The following CNTNAP2 variants were observed in gnomAD, a reference collection of about 807,000 sequenced individuals.
The protein encoded by CNTNAP2 is contactin associated protein 2, also known as contactin-associated protein-like 2.
A neutral mutation model predicts 155.2 loss-of-function variants in CNTNAP2; 98 were observed. The ratio of observed to expected loss-of-function variants is 0.63; its 90% CI spans 0.54 to 0.75. The LOEUF (loss-of-function observed/expected upper bound fraction) is 0.75, where lower values mean the gene tolerates loss of function less well. Among genes scored for constraint, CNTNAP2 ranks in the 30% least tolerant of loss-of-function variants. The pLI, the probability that CNTNAP2 is intolerant of heterozygous loss-of-function variation, is 0.00. For synonymous variants in CNTNAP2, 651 were observed against 631.2 expected, an observed-to-expected ratio of 1.03 and a Z score of -0.47; for missense variants, 1,727 against 1,688.1, an observed-to-expected ratio of 1.02 and a Z score of -0.40.
At chr7:147,092,778 T>C (rs971570856) in intron 4 of CNTNAP2, among the ~76,000 whole-genome samples, 1 of 152,166 alleles carries the variant, frequency 6.6e-6, no homozygotes, top group African/African-American at 2.4e-5. Flanking sequence ...AAACTAAACT[T>C]ATTGTTGATA....
intron 1 of CNTNAP2, among the ~76,000 whole-genome samples, chr7:146,679,258 A>G (rs532887990): frequency 6.6e-6 from 1 of 151,372 alleles, no homozygotes; most frequent in Non-Finnish European, 1.5e-5. Context: ...GAACAGAGGC[A>G]GTGTTTGGTT....
intron 8 of CNTNAP2, among the ~76,000 whole-genome samples, chr7:147,188,555 A>T (rs1466885645): frequency 1.3e-5 from 2 of 152,212 alleles, no homozygotes; most frequent in African/African-American, 2.4e-5. Flanking sequence ...TAAATGCAAA[A>T]TACAGGATGA....
intron 3 of CNTNAP2, among the ~76,000 whole-genome samples, chr7:146,969,231 C>G (rs899897229): frequency 5.1e-4 from 78 of 152,112 alleles, no homozygotes; most frequent in Admixed American, 4.6e-4. Flanking sequence ...TTACTTCCAA[C>G]TATGTGGTCA....
intron 9 of CNTNAP2, among the ~76,000 whole-genome samples, chr7:147,366,477 G>A (rs896852228): frequency 6.6e-6 from 1 of 151,140 alleles, no homozygotes; most frequent in Non-Finnish European, 1.5e-5. Flanking sequence ...CTTTATTTCA[G>A]TAGAGTATAA....
chr7:147,630,031 A>AG (rs1432896190), intron 12 of CNTNAP2, among the ~76,000 whole-genome samples: 1 of 152,114 alleles, frequency 6.6e-6, no homozygotes, highest in African/African-American at 2.4e-5. Flanking sequence ...AATGAAAAAA[A>AG]GTGGGTTCTT....
intron 8 of CNTNAP2, among the ~76,000 whole-genome samples, chr7:147,191,019 T>C (rs966321121): frequency 6.6e-6 from 1 of 152,038 alleles, no homozygotes; most frequent in Non-Finnish European, 1.5e-5. Flanking sequence ...TAAAGACATA[T>C]ATATATTAGA....
chr7:147,178,946 A>G (rs186995039), intron 8 of CNTNAP2, among the ~76,000 whole-genome samples: 47 of 152,276 alleles, frequency 3.1e-4, no homozygotes, highest in African/African-American at 1.1e-3. Flanking sequence ...TAAGGACTCC[A>G]GATAAAGCAG....
chr7:147,841,413 T>G (rs1434511097), intron 13 of CNTNAP2, among the ~76,000 whole-genome samples: 1 of 152,160 alleles, frequency 6.6e-6, no homozygotes. Context: ...TAAAATGTCA[T>G]GAGCACCTCC....
At chr7:147,308,733 T>G (rs1327885968) in intron 9 of CNTNAP2, among the ~76,000 whole-genome samples, 1 of 152,206 alleles carries the variant, frequency 6.6e-6, no homozygotes. Flanking sequence ...AACGGAACCA[T>G]GGACAGCTCC....
intron 4 of CNTNAP2, among the ~76,000 whole-genome samples, chr7:147,062,786 C>T (rs1412738916): frequency 6.6e-6 from 1 of 152,116 alleles, no homozygotes; most frequent in Non-Finnish European, 1.5e-5. Context: ...ATATTCTCAA[C>T]TCTGAAATGA....
intron 12 of CNTNAP2, among the ~76,000 whole-genome samples, chr7:147,630,926 C>T (rs1370267636): frequency 6.6e-6 from 1 of 151,902 alleles, no homozygotes; most frequent in African/African-American, 2.4e-5. Flanking sequence ...AGAAGGATGC[C>T]CACCCCCACC....
intron 13 of CNTNAP2, among the ~76,000 whole-genome samples, chr7:147,652,939 T>G (rs1795470312): frequency 6.6e-6 from 1 of 152,198 alleles, no homozygotes; most frequent in Non-Finnish European, 1.5e-5. Flanking sequence ...CTGCACAAAC[T>G]TCTTTCTGAA....
intron 1 of CNTNAP2, among the ~76,000 whole-genome samples, chr7:146,671,567 G>T (rs193187182): frequency 6.6e-6 from 1 of 152,048 alleles, no homozygotes; most frequent in Admixed American, 6.6e-5. Flanking sequence ...ATTTCTGTGG[G>T]TTCTTAACTT....
chr7:148,217,158 T>C (rs1795654102), intron 18 of CNTNAP2, 130 bp from the exon 19 acceptor site: 2 of 809,754 alleles, frequency 2.5e-6, no homozygotes, highest in African/African-American at 1.7e-5. Context: ...AGCATCTTTC[T>C]CCATAGAACT....
intron 13 of CNTNAP2, among the ~76,000 whole-genome samples, chr7:147,882,326 C>G (rs915610919): frequency 6.6e-6 from 1 of 152,130 alleles, no homozygotes; most frequent in Non-Finnish European, 1.5e-5. Context: ...ACTCACTGAT[C>G]TCTATTTCAC....
At chr7:147,742,124 C>T (rs1289411240) in intron 13 of CNTNAP2, among the ~76,000 whole-genome samples, 1 of 152,104 alleles carries the variant, frequency 6.6e-6, no homozygotes, top group Admixed American at 6.5e-5. Context: ...CAGGAAAGGC[C>T]TGCCCCCCTG....
At chr7:146,999,345 A>G (rs187638575) in intron 3 of CNTNAP2, among the ~76,000 whole-genome samples, 3 of 151,030 alleles carry the variant, frequency 2.0e-5, no homozygotes, top group Admixed American at 6.6e-5. Context: ...ACATCATTTT[A>G]TATTGCATAT....
At chr7:146,587,589 G>A (rs141289804) in intron 1 of CNTNAP2, among the ~76,000 whole-genome samples, 169 of 152,222 alleles carry the variant, frequency 1.1e-3, no homozygotes, top group African/African-American at 3.9e-3. Flanking sequence ...AAATGTCATT[G>A]TTATTTATAT....
intron 11 of CNTNAP2, among the ~76,000 whole-genome samples, chr7:147,487,897 G>A (rs1798538047): frequency 6.6e-6 from 1 of 152,072 alleles, no homozygotes; most frequent in Non-Finnish European, 1.5e-5. Context: ...GCTCCATTTT[G>A]TTGGATCTTT....
Sources: gnomAD v4.1 joint callset for allele counts (sites outside exome capture counted in the v4.1 genomes callset) on GRCh38, gnomAD v4.1.1 for gene constraint, MANE v1.5 for transcripts, NCBI Gene and HGNC (gene_info 2026-07-23, HGNC 2026-07-21) for gene names.